The following DYM variants were observed in gnomAD, a reference collection of about 807,000 sequenced individuals.
DYM encodes dyggve-Melchior-Clausen syndrome protein.
DYM carries 78 observed loss-of-function variants against 93.1 expected under a neutral mutation model. The ratio of observed to expected loss-of-function variants is 0.84; its 90% CI spans 0.70 to 1.01. The LOEUF is 1.01. DYM is among the 50% of genes least tolerant of loss of function. DYM has a pLI of 0.00. For synonymous variants in DYM, 321 were observed against 319.7 expected (o/e 1.00, Z -0.04); for missense variants, 789 against 845.0 (o/e 0.93, Z 0.82).
intron 1 of DYM, chr18:49,447,429 G>C (rs897822538): frequency 4.6e-5 from 7 of 152,246 alleles, no homozygotes; most frequent in African/African-American, 1.7e-4. Flanking sequence ...AGATAGTGTA[G>C]CCACTTCATA....
chr18:49,266,692 T>C (rs1376177860), intron 11 of DYM, among the ~76,000 whole-genome samples: 4 of 152,186 alleles, frequency 2.6e-5, no homozygotes, highest in African/African-American at 4.8e-5. Context: ...AATGAATGAG[T>C]ATGATCATTT....
chr18:49,098,763 T>C (rs1015832626), intron 16 of DYM, among the ~76,000 whole-genome samples: 5 of 152,242 alleles, frequency 3.3e-5, no homozygotes, highest in Non-Finnish European at 7.3e-5. Context: ...TTTCTGGGAT[T>C]AATATTTTGT....
In DYM at chr18:49,122,726, G is replaced by A. The variant is rs554523539; in HGVS notation, c.1729-3800C>T. ...TGGAAAAACTGTCTTCCACAAAACC[G>A]GGTCCCTGGTGCCAAAAAGGCTGGG... On this transcript the variant is annotated intron_variant, in intron 15 of 17. Transcript: ENST00000675505. 4.3e-4 allele frequency among the ~76,000 whole-genome samples: 66 copies of A among 152,014 alleles called. 1 individual carries two copies. Among genetic ancestry groups the A allele is most frequent in the Admixed American group, 1.1e-3 (17 of 15,268 alleles).
chr18:49,398,820 G>A (rs1188811685), intron 2 of DYM, among the ~76,000 whole-genome samples: 1 of 152,066 alleles, frequency 6.6e-6, no homozygotes, highest in East Asian at 1.9e-4. Context: ...ATTAGTAGTT[G>A]GCAAGAAATG....
intron 17 of DYM, among the ~76,000 whole-genome samples, chr18:49,054,066 A>C (rs1237879937): frequency 6.6e-6 from 1 of 152,222 alleles, no homozygotes; most frequent in African/African-American, 2.4e-5. Flanking sequence ...TCATCAGTTC[A>C]GCTAAATTGT....
intron 17 of DYM, among the ~76,000 whole-genome samples, chr18:49,062,138 T>C (rs2144664602): frequency 6.6e-6 from 1 of 152,294 alleles, no homozygotes; most frequent in Admixed American, 6.5e-5. Flanking sequence ...AGAATTATAA[T>C]TCTCCTGCCT....
Position 49,277,466 on chromosome 18 carries a change from C to T in DYM, c.1125+4531G>A, listed in dbSNP as rs115579249. ...GCCAAGGTATATGTTTGTAGATATACGAACTGCACGTTTGGGCCCCCAAAA... is the reference window on the plus strand; with the variant it reads ...GCCAAGGTATATGTTTGTAGATATATGAACTGCACGTTTGGGCCCCCAAAA... On this transcript the variant is annotated intron_variant, in intron 10 of 17. Coordinates refer to ENST00000675505, the MANE Select transcript of DYM (RefSeq NM_001353214.3). Among the ~76,000 whole-genome samples the T allele has an allele frequency of 4.4e-3, 674 of 152,182 alleles. 6 individuals carry two copies. Among genetic ancestry groups the T allele is most frequent in the African/African-American group, 0.014 (598 of 41,518 alleles).
intron 4 of DYM, among the ~76,000 whole-genome samples, 186 bp downstream of exon 4, chr18:49,379,479 G>A (rs770095267): frequency 4.6e-5 from 7 of 152,050 alleles, no homozygotes; most frequent in Non-Finnish European, 1.0e-4. Flanking sequence ...TCAGATTCCC[G>A]AATCTATAAT....
At chr18:49,397,033 T>C (rs1483106786) in intron 2 of DYM, among the ~76,000 whole-genome samples, 2 of 152,202 alleles carry the variant, frequency 1.3e-5, no homozygotes, top group Non-Finnish European at 2.9e-5. Context: ...GTACTTTACA[T>C]TTCAAAATGG....
At chr18:49,454,365 C>T (rs112455454) in intron 1 of DYM, among the ~76,000 whole-genome samples, 1,683 of 152,278 alleles carry the variant, frequency 0.011, 30 homozygotes, top group African/African-American at 0.039. Context: ...GGAGCTTGCA[C>T]ACGATAATGC....
At chr18:49,348,907 C>A (rs1192641634) in intron 6 of DYM, among the ~76,000 whole-genome samples, 101 of 123,198 alleles carry the variant, frequency 8.2e-4, no homozygotes, top group Non-Finnish European at 8.2e-4. Flanking sequence ...GACTCCTCAC[C>A]AAAAAAAAAA....
intron 8 of DYM, among the ~76,000 whole-genome samples, chr18:49,290,351 T>C (rs547150199): frequency 1.2e-4 from 18 of 151,586 alleles, no homozygotes; most frequent in Admixed American, 1.1e-3. Flanking sequence ...CATATATGTA[T>C]CCATATGTAC....
At chr18:49,304,930 A>G (rs1055776585) in intron 8 of DYM, among the ~76,000 whole-genome samples, 4 of 151,994 alleles carry the variant, frequency 2.6e-5, no homozygotes, top group Non-Finnish European at 5.9e-5. Flanking sequence ...CCTTAGTCTC[A>G]TCCTGCCTAG....
At chr18:49,444,277 C>G (rs183979194) in intron 1 of DYM, among the ~76,000 whole-genome samples, 1 of 152,122 alleles carries the variant, frequency 6.6e-6, no homozygotes, top group African/African-American at 2.4e-5. Context: ...ACGCGTCCTG[C>G]CACGAAACAA....
intron 14 of DYM, among the ~76,000 whole-genome samples, chr18:49,185,955 T>C (rs536013492): frequency 2.6e-5 from 4 of 152,192 alleles, no homozygotes; most frequent in Middle Eastern, 3.2e-3. Flanking sequence ...CCTTCCTGTT[T>C]AGTTTTTAAA....
intron 11 of DYM, 97 bp from the exon 12 acceptor site, chr18:49,258,590 C>G: frequency 1.2e-6 from 1 of 804,806 alleles, no homozygotes. Context: ...TGACTTTGCT[C>G]TGAAGGTGAG....
chr18:49,294,084 G>T (rs1250063097), intron 8 of DYM, among the ~76,000 whole-genome samples: 1 of 152,098 alleles, frequency 6.6e-6, no homozygotes, highest in African/African-American at 2.4e-5. Flanking sequence ...TCCTTTCCCT[G>T]TTGCTTGTTT....
At chr18:49,366,163 A>G (rs569151027) in intron 5 of DYM, among the ~76,000 whole-genome samples, 68 of 152,204 alleles carry the variant, frequency 4.5e-4, no homozygotes, top group Non-Finnish European at 8.5e-4. Context: ...GTGAAGATTG[A>G]CAAGATTTGA....
At chr18:49,122,840 A>G (rs954805140) in intron 15 of DYM, among the ~76,000 whole-genome samples, 2 of 152,168 alleles carry the variant, frequency 1.3e-5, no homozygotes, top group African/African-American at 4.8e-5. Flanking sequence ...TTCGGAGTGC[A>G]TTTTGACCTG....
Sources: allele counts gnomAD v4.1 joint callset (sites outside exome capture counted in the v4.1 genomes callset), GRCh38; gene constraint gnomAD v4.1.1; transcripts MANE v1.5; gene names NCBI Gene and HGNC (gene_info 2026-07-23, HGNC 2026-07-21).